The following ADAMTSL1 variants were observed in gnomAD, a reference collection of about 807,000 sequenced individuals.
The protein encoded by ADAMTSL1 is ADAMTS-like protein 1.
Under a neutral mutation model 201.8 loss-of-function variants are expected in ADAMTSL1, and 126 were observed. The ratio of observed to expected loss-of-function variants is 0.62; its 90% CI spans 0.54 to 0.72. ADAMTSL1 has a LOEUF of 0.72. Ranked by LOEUF, ADAMTSL1 falls within the 30% of genes least tolerant of loss-of-function variation. ADAMTSL1 has a pLI of 0.00. For missense variants in ADAMTSL1, 2,679 were observed against 2,277.8 expected (o/e 1.18, Z -3.59); for synonymous variants, 1,121 against 903.4 (o/e 1.24, Z -4.32).
chr9:18,846,051 GTACT>G (rs1563852946), intron 23 of ADAMTSL1, among the ~76,000 whole-genome samples: 1 of 152,188 alleles, frequency 6.6e-6, no homozygotes, highest in Non-Finnish European at 1.5e-5. Flanking sequence ...GCCAAACAGT[GTACT>G]GTGAGCCAAG....
At chr9:18,374,153 G>A (rs1361463550) in intron 2 of ADAMTSL1, among the ~76,000 whole-genome samples, 1 of 152,148 alleles carries the variant, frequency 6.6e-6, no homozygotes, top group Non-Finnish European at 1.5e-5. Flanking sequence ...CTAATAGGCA[G>A]CACAGATTTG....
intron 2 of ADAMTSL1, among the ~76,000 whole-genome samples, chr9:18,179,252 G>A (rs10963502): frequency 1.2e-4 from 18 of 152,138 alleles, no homozygotes; most frequent in African/African-American, 2.9e-4. Context: ...GAGCCGATGC[G>A]ATCAACTGGA....
intron 2 of ADAMTSL1, among the ~76,000 whole-genome samples, chr9:18,203,335 T>A (rs1257991472): frequency 6.6e-6 from 1 of 152,020 alleles, no homozygotes; most frequent in African/African-American, 2.4e-5. Flanking sequence ...TGTTGGTGCT[T>A]CCTCCAAGTC....
rs1467971711 is a variant in ADAMTSL1, at chr9:18,529,757, TATC to T, written c.192-3487_192-3485del. Among the ~76,000 whole-genome samples, 5 of 152,264 alleles carry T rather than the reference TATC, an allele frequency of 3.3e-5. No homozygotes were observed. In the South Asian group the frequency reaches 1.0e-3, roughly 32 times the overall value. ...CCATACTTAAGCATTACCACCTTAA[TATC>T]ATATTTCAGTCAAATTAAAGAAGCT... On this transcript the variant is annotated intron_variant, in intron 2 of 28. Coordinates refer to ENST00000380548, the MANE Select transcript of ADAMTSL1 (RefSeq NM_001040272.6).
At chr9:18,879,778 A>C (rs12686018) in intron 23 of ADAMTSL1, among the ~76,000 whole-genome samples, 10,832 of 152,292 alleles carry the variant, frequency 0.071, 541 homozygotes, top group East Asian at 0.15. Context: ...AGACAACAAC[A>C]ATGAAGTTTG....
intron 2 of ADAMTSL1, among the ~76,000 whole-genome samples, chr9:18,264,429 G>A (rs910252231): frequency 9.9e-5 from 15 of 152,092 alleles, no homozygotes; most frequent in Non-Finnish European, 2.1e-4. Context: ...TTGATACCAC[G>A]TAGGAGAGCT....
At chr9:18,313,333 GTGATTCAC>G (rs1418219365) in intron 2 of ADAMTSL1, among the ~76,000 whole-genome samples, 3 of 152,098 alleles carry the variant, frequency 2.0e-5, no homozygotes, top group Non-Finnish European at 2.9e-5. Flanking sequence ...AAGGCCCCAG[GTGATTCAC>G]TGGGAAAAAT....
intron 1 of ADAMTSL1, among the ~76,000 whole-genome samples, chr9:18,134,847 G>A (rs1487565032): frequency 2.0e-5 from 3 of 152,150 alleles, no homozygotes; most frequent in Non-Finnish European, 2.9e-5. Flanking sequence ...AGACAATAAG[G>A]ACATCAGCCA....
intron 15 of ADAMTSL1, among the ~76,000 whole-genome samples, chr9:18,735,366 GCT>G (rs2133508657): frequency 6.6e-6 from 1 of 152,232 alleles, no homozygotes; most frequent in South Asian, 2.1e-4. Flanking sequence ...CTGAATTATT[GCT>G]CTCTCCTTAT....
chr9:18,850,201 G>A (rs911650697), intron 23 of ADAMTSL1, among the ~76,000 whole-genome samples: 4 of 152,160 alleles, frequency 2.6e-5, no homozygotes, highest in African/African-American at 9.7e-5. Flanking sequence ...GCCCTTTCCT[G>A]GCAGCAGGAC....
intron 7 of ADAMTSL1, among the ~76,000 whole-genome samples, chr9:18,645,351 T>A (rs189436899): frequency 0.1 from 15,163 of 152,156 alleles, 1,458 homozygotes; most frequent in African/African-American, 0.25. Flanking sequence ...CTGTTCACTC[T>A]GATGGTAGTT....
intron 8 of ADAMTSL1, among the ~76,000 whole-genome samples, chr9:18,661,516 G>A (rs1406860150): frequency 6.6e-6 from 1 of 152,086 alleles, no homozygotes; most frequent in East Asian, 1.9e-4. Context: ...TATCTATTTG[G>A]GAGTTTATTC....
At chr9:18,875,196 C>A (rs183333169) in intron 23 of ADAMTSL1, among the ~76,000 whole-genome samples, 1 of 152,132 alleles carries the variant, frequency 6.6e-6, no homozygotes, top group East Asian at 1.9e-4. Context: ...TTTGTTTCAT[C>A]TTTTTAAAGA....
At chr9:18,746,045 G>A (rs1206932853) in intron 15 of ADAMTSL1, among the ~76,000 whole-genome samples, 2 of 152,194 alleles carry the variant, frequency 1.3e-5, no homozygotes, top group Non-Finnish European at 2.9e-5. Flanking sequence ...GACATGCAGT[G>A]CCCCGTTGCC....
rs762787360 is a variant in ADAMTSL1, at chr9:18,892,421, G to C, written c.4676G>C (p.Arg1559Pro). 1 of 1,613,320 alleles carries C rather than the reference G, an allele frequency of 6.2e-7. No individual in the cohort carries two copies. Among genetic ancestry groups the C allele is most frequent in the African/African-American group, 1.3e-5 (1 of 74,908 alleles). Residue 1559 changes from arginine to proline, a missense_variant, in exon 26 of 29, where the codon CGG becomes CCG. Arg to Pro is a moderately radical substitution (Grantham distance 103). Transcript: ENST00000380548. ...GTGACCTCCTGGTCTGCCTGTACCC[G>C]GAGCTGTGGGGGAGGTGTCCAGACC... ...WMVTSWSACT[R>P]SCGGGVQTRR...
intron 3 of ADAMTSL1, among the ~76,000 whole-genome samples, chr9:18,536,192 G>T (rs1819762648): frequency 6.6e-6 from 1 of 152,190 alleles, no homozygotes; most frequent in Middle Eastern, 3.4e-3. Flanking sequence ...TTTCAAATTT[G>T]GAAGTTTAGA....
chr9:18,104,924 G>T (rs946782882), intron 1 of ADAMTSL1, among the ~76,000 whole-genome samples: 1 of 151,906 alleles, frequency 6.6e-6, no homozygotes, highest in Non-Finnish European at 1.5e-5. Flanking sequence ...CTGGAGCAAA[G>T]TAAAATAAAT....
At chr9:18,908,416 C>A in intron 28 of ADAMTSL1, 26 bp from the exon 29 acceptor site, 1 of 1,538,958 alleles carries the variant, frequency 6.5e-7, no homozygotes, top group Non-Finnish European at 8.8e-7. Flanking sequence ...TCTGTCTCCT[C>A]TCCCGACCCC....
At chr9:18,167,689 T>C (rs1262755329) in intron 2 of ADAMTSL1, among the ~76,000 whole-genome samples, 3 of 151,952 alleles carry the variant, frequency 2.0e-5, no homozygotes, top group Non-Finnish European at 4.4e-5. Flanking sequence ...AAATGGAATA[T>C]AACTATTTCC....
Sources: gnomAD v4.1 joint callset for allele counts (sites outside exome capture counted in the v4.1 genomes callset) on GRCh38, gnomAD v4.1.1 for gene constraint, MANE v1.5 for transcripts, NCBI Gene and HGNC (gene_info 2026-07-23, HGNC 2026-07-21) for gene names.